Variants in SLC12A9 observed in about 807,000 individuals in gnomAD.
SLC12A9 encodes CCC-interacting protein 1.
In SLC12A9, 55 loss-of-function variants were observed where a neutral mutation model predicts 66.0. The observed-to-expected ratio is 0.83, with a 90% CI of 0.67 to 1.04. The LOEUF is 1.04. Among genes scored for constraint, SLC12A9 ranks in the 50% least tolerant of loss-of-function variants. The probability of loss-of-function intolerance (pLI) is 0.00; values close to 1 mark genes in which losing one functional copy is unlikely to be tolerated. For missense variants in SLC12A9, 1,061 were observed against 1,241.9 expected, an observed-to-expected ratio of 0.85 and a Z score of 2.19; for synonymous variants, 577 against 569.0, an observed-to-expected ratio of 1.01 and a Z score of -0.20.
At position 100,865,350 on chromosome 7, in the gene SLC12A9, T is replaced by C. The variant is rs1028970723; in HGVS notation, c.1859-369T>C. On this transcript the variant is annotated intron_variant, in intron 13 of 13. Transcript: ENST00000354161. The stretch of plus-strand genomic sequence containing the variant: ...GCTTGGCTGATCAGGGTGTCTGGTT[T>C]GCACAACAGAGTCAAACTCGCATCC... 4 of 1,535,854 alleles carry C rather than the reference T, an allele frequency of 2.6e-6. No homozygotes were observed. In the East Asian group the frequency reaches 9.8e-5, roughly 38 times the overall value.
At chr7:100,839,607 A>G (rs138620343) in intron 1 of SLC12A9, among the ~76,000 whole-genome samples, 2,101 of 152,348 alleles carry the variant, frequency 0.014, 19 homozygotes, top group Middle Eastern at 0.017. Flanking sequence ...GCTCCCTGGT[A>G]GGCATTTGCC....
chr7:100,841,559 A>T (rs536541641), intron 1 of SLC12A9, among the ~76,000 whole-genome samples: 15 of 152,294 alleles, frequency 9.8e-5, no homozygotes, highest in African/African-American at 3.6e-4. Flanking sequence ...GTAAAAGCAT[A>T]ACAGGTTTTT....
chr7:100,859,516 G>A, intron 7 of SLC12A9: 4 of 369,534 alleles, frequency 1.1e-5, no homozygotes, highest in Non-Finnish European at 2.0e-5. Context: ...AGGAGTTCCA[G>A]ACCAGCCTGG....
At position 100,845,443 on chromosome 7, in the gene SLC12A9, G is replaced by A. The variant is rs544458583; in HGVS notation, n.229-14442G>A. Reference sequence around the variant, plus strand: ...CGGCTCACTGCAAACTCTACCTCCCGGGTTCACGCCATTCTCCTGCCTCAG... The same window carrying A: ...CGGCTCACTGCAAACTCTACCTCCCAGGTTCACGCCATTCTCCTGCCTCAG... On this transcript the variant is annotated intron_variant and non_coding_transcript_variant, in intron 1 of 1. Coordinates refer to the SLC12A9 transcript ENST00000461016. 2.4e-4 allele frequency among the ~76,000 whole-genome samples: 36 copies of A among 151,928 alleles called. 1 individual carries two copies. The South Asian group carries it at 6.9e-3, about 29-fold the overall frequency.
intron 12 of SLC12A9, among the ~76,000 whole-genome samples, chr7:100,862,393 G>C (rs1329501839): frequency 2.0e-5 from 3 of 152,126 alleles, no homozygotes; most frequent in African/African-American, 7.2e-5. Flanking sequence ...TGAGTAGCTG[G>C]GACTACAGGT....
intron 3 of SLC12A9, among the ~76,000 whole-genome samples, chr7:100,855,277 C>T (rs1814319542): frequency 1.0e-5 from 1 of 97,176 alleles, no homozygotes; most frequent in South Asian, 4.2e-4. Flanking sequence ...CATGTACCAC[C>T]ACCCCTGTTT....
In SLC12A9 at chr7:100,852,743, A is replaced by T. The variant is rs1814139956; in HGVS notation, c.-135A>T. ...CAGGCTCCAGGCCTGGCATCCCGGT[A>T]GCCGCAGCTGTCTTTTCCGGCCCCC... On this transcript the variant is annotated 5_prime_UTR_variant, in exon 1 of 14. Transcript: ENST00000354161. 1 of 151,676 alleles carries T rather than the reference A, an allele frequency of 6.6e-6. No homozygotes were observed. Among genetic ancestry groups the T allele is most frequent in the Admixed American group, 6.6e-5 (1 of 15,194 alleles). 9.4% of individuals were successfully genotyped at this position (151,676 alleles called of 1,614,324 possible).
chr7:100,843,693 C>A (rs1017912349), intron 1 of SLC12A9, among the ~76,000 whole-genome samples: 1 of 152,140 alleles, frequency 6.6e-6, no homozygotes, highest in East Asian at 1.9e-4. Flanking sequence ...AATATAAAGT[C>A]CCCCCATGCT....
intron 1 of SLC12A9, 67 bp from the exon 2 acceptor site, chr7:100,854,089 T>G: frequency 9.7e-7 from 1 of 1,032,326 alleles, no homozygotes; most frequent in Non-Finnish European, 1.4e-6. Flanking sequence ...GGGTGTTTGA[T>G]TAGTGGTCTT....
chr7:100,827,809 G>A (rs1040269603), intron 1 of SLC12A9, among the ~76,000 whole-genome samples: 2 of 152,176 alleles, frequency 1.3e-5, no homozygotes, highest in Non-Finnish European at 2.9e-5. Flanking sequence ...CTGGGGCCCA[G>A]GGACCCCCGG....
In SLC12A9 at chr7:100,861,327, G is replaced by A; in HGVS notation, c.1343+65G>A. 1 of 1,612,228 alleles carries A rather than the reference G, an allele frequency of 6.2e-7. No individual in the cohort carries two copies. Among genetic ancestry groups the A allele is most frequent in the Non-Finnish European group, 8.5e-7 (1 of 1,178,660 alleles). On this transcript the variant is annotated intron_variant, in intron 10 of 13. Coordinates refer to ENST00000354161, the MANE Select transcript of SLC12A9 (RefSeq NM_020246.4). This position sits in a 1 kb window ranked among gnomAD's most constrained non-coding sequence, Gnocchi z 5.3. ...AGGACTCGGGCTCAGGCGTGGGGCT[G>A]GGGACTGCAGCCTCGTGTGCGGCCT...
In SLC12A9 at chr7:100,855,728, G is replaced by A. The variant is rs892924973; in HGVS notation, c.339G>A (p.Gly113=). The A allele has an allele frequency of 1.1e-5, 18 of 1,614,144 alleles. No individual in the cohort carries two copies. The East Asian group carries it at 1.6e-4, about 14-fold the overall frequency. The change falls in exon 4 of 14, where the codon GGG becomes GGA. Residue 113 remains glycine, a synonymous_variant. Transcript: ENST00000354161. The part of the protein sequence containing the change: ...GAYFMISRTL[G]PEVGGSIGLM... ...CAGTCATGATCAGCCGCACACTGGG[G>A]CCCGAGGTCGGGGGCAGCATTGGGC... is the stretch of plus-strand genomic sequence containing the variant.
intron 12 of SLC12A9, 119 bp from the exon 13 acceptor site, chr7:100,862,562 C>A: frequency 1.6e-6 from 2 of 1,241,700 alleles, no homozygotes; most frequent in South Asian, 1.4e-5. Flanking sequence ...CCCTTTTATC[C>A]TTTCCCATGA....
At position 100,854,362 on chromosome 7, in the gene SLC12A9, T is replaced by G; in HGVS notation, c.165T>G (p.Val55=). The change falls in exon 2 of 14, where the codon GTT becomes GTG. Residue 55 remains valine, a synonymous_variant. Coordinates refer to ENST00000354161, the MANE Select transcript of SLC12A9 (RefSeq NM_020246.4). ...CTGTCCTGTCCATGTTCAGCATAGTTGTTTTTCTGAGGATTGGTGAGTGGG... is the reference window on the plus strand; with the variant it reads ...CTGTCCTGTCCATGTTCAGCATAGTGGTTTTTCTGAGGATTGGTGAGTGGG... ...VPTVLSMFSI[V]VFLRIGFVVG... The G allele has an allele frequency of 6.2e-7, 1 of 1,613,348 alleles. No homozygotes were observed. The highest frequency in any genetic ancestry group is 1.3e-5 in the African/African-American group (1 of 74,934).
In SLC12A9 at chr7:100,854,723, C is replaced by G; in HGVS notation, c.285C>G (p.Thr95=). 1 of 1,614,060 alleles carries G rather than the reference C, an allele frequency of 6.2e-7. No homozygotes were observed. Among genetic ancestry groups the G allele is most frequent in the East Asian group, 2.2e-5 (1 of 44,874 alleles). Reference sequence around the variant, plus strand: ...TCCTCTCTGTCTGTGCCATCGCCACCAATGGAGCCGTGCAGGGGGGCGGAG... The same window carrying G: ...TCCTCTCTGTCTGTGCCATCGCCACGAATGGAGCCGTGCAGGGGGGCGGAG... ...LTVLSVCAIA[T]NGAVQGGGAY... is the part of the protein sequence containing the mutation. The change falls in exon 3 of 14, where the codon ACC becomes ACG. Residue 95 remains threonine (T), a synonymous_variant. Transcript: ENST00000354161.
At chr7:100,834,159 G>A (rs1371370109) in intron 1 of SLC12A9, among the ~76,000 whole-genome samples, 2 of 152,076 alleles carry the variant, frequency 1.3e-5, no homozygotes, top group East Asian at 1.9e-4. Context: ...TGAGCTTTCT[G>A]CAGAAGGTGA....
intron 1 of SLC12A9, among the ~76,000 whole-genome samples, chr7:100,833,082 ATTTAT>A (rs1457505747): frequency 1.3e-5 from 2 of 151,962 alleles, no homozygotes; most frequent in South Asian, 2.1e-4. Context: ...GGCCTGGCTA[ATTTAT>A]TTTATTTTAT....
chr7:100,860,053 T>G lies in SLC12A9; in HGVS notation c.1135+11T>G, dbSNP rs375737580. ...GGGATGACCTCTTTGGTGGGTTCTC[T>G]GCCTCCTTGCTGGCTTGGAGCACGC... is the stretch of plus-strand genomic sequence containing the variant. On this transcript the variant is annotated intron_variant, in intron 8 of 13. Transcript: ENST00000354161. 201 of 1,614,174 alleles carry G rather than the reference T, an allele frequency of 1.2e-4. 1 individual carries two copies. The African/African-American group carries it at 2.6e-3, about 21-fold the overall frequency.
chr7:100,834,323 C>T (rs975877258), intron 1 of SLC12A9, among the ~76,000 whole-genome samples: 2 of 152,226 alleles, frequency 1.3e-5, no homozygotes, highest in African/African-American at 2.4e-5. Flanking sequence ...GAGTGAGGGC[C>T]AGCCTCAGGT....
Sources: gnomAD v4.1 joint callset for allele counts (sites outside exome capture counted in the v4.1 genomes callset) on GRCh38, gnomAD v4.1.1 for gene constraint, Gnocchi (gnomAD v3.1) non-coding constraint, MANE v1.5 for transcripts, NCBI Gene and HGNC (gene_info 2026-07-23, HGNC 2026-07-21) for gene names.